The following RELN variants were observed in gnomAD, a reference collection of about 807,000 sequenced individuals.
RELN encodes the protein reelin.
RELN carries 108 observed loss-of-function variants against 427.6 expected under a neutral mutation model. The ratio of observed to expected loss-of-function variants is 0.25; its 90% CI spans 0.22 to 0.30. The LOEUF (loss-of-function observed/expected upper bound fraction) is 0.30, where lower values mean the gene tolerates loss of function less well. Among genes scored for constraint, RELN ranks in the 10% least tolerant of loss-of-function variants. The pLI is 1.00. For missense variants in RELN, 3,715 were observed against 4,302.8 expected (o/e 0.86, Z 3.82); for synonymous variants, 1,524 against 1,513.4 (o/e 1.01, Z -0.16).
In RELN at chr7:103,773,252, C is replaced by CTCT. The variant is rs1427358294; in HGVS notation, c.544+3304_544+3305insAGA. 1.2e-3 allele frequency among the ~76,000 whole-genome samples: 51 copies of CTCT among 43,618 alleles called. 4 individuals carry two copies. The highest frequency in any genetic ancestry group is 1.7e-3 in the Non-Finnish European group (42 of 24,598). The allele number at this position is 43,618 out of a possible 152,430, so 28.6% of individuals were successfully genotyped here. ...CTCGCTCCCTCCCTGTCTCTCTCTC[C>CTCT]CTCCCTCCCTCTCTCCCTGTCTCTC... On this transcript the variant is annotated intron_variant, in intron 4 of 64. Transcript: ENST00000428762.
chr7:103,586,498 T>C (rs985506455), intron 28 of RELN, among the ~76,000 whole-genome samples: 4 of 152,210 alleles, frequency 2.6e-5, no homozygotes, highest in Non-Finnish European at 4.4e-5. Flanking sequence ...TCACCCTCTC[T>C]ACTCCAGTTC....
intron 1 of RELN, among the ~76,000 whole-genome samples, chr7:103,920,210 C>T (rs1305318284): frequency 6.6e-6 from 1 of 152,090 alleles, no homozygotes; most frequent in Non-Finnish European, 1.5e-5. Context: ...TAAAATGTTT[C>T]CTTTAAAAAT....
chr7:103,500,698 T>A, intron 53 of RELN, 47 bp downstream of exon 53: 1 of 1,597,248 alleles, frequency 6.3e-7, no homozygotes. Context: ...TTCCTAGGCA[T>A]GACCCATGAT....
chr7:103,888,236 G>GA (rs569985640), intron 2 of RELN, among the ~76,000 whole-genome samples: 18,552 of 103,488 alleles, frequency 0.18, 1,457 homozygotes, highest in East Asian at 0.48. Context: ...GCTCTTTTAA[G>GA]AAAAAAAAAT....
chr7:103,575,625 G>T lies in RELN; in HGVS notation c.4226C>A (p.Ser1409Tyr), dbSNP rs2117208290. The T allele has an allele frequency of 6.2e-7, 1 of 1,614,078 alleles. No homozygotes were observed. Among genetic ancestry groups the T allele is most frequent in the South Asian group, 1.1e-5 (1 of 91,076 alleles). The change falls in exon 29 of 65, where the codon TCC (serine) becomes TAC (tyrosine). Residue 1409 changes from serine (S) to tyrosine (Y), a missense_variant. By Grantham distance (144) the Ser-to-Tyr change is moderately radical. Transcript: ENST00000428762. ...ACTGCAGTAACTGGGACAAGGCTCG[G>T]ATATGTACACTCCATCTAAACCAAA... ...PPFGLDGVYISEPCPSYCSGH... is the reference protein window; with the variant it reads ...PPFGLDGVYIYEPCPSYCSGH...
At chr7:103,975,817 A>T (rs1796868334) in intron 1 of RELN, among the ~76,000 whole-genome samples, 2 of 150,526 alleles carry the variant, frequency 1.3e-5, no homozygotes, top group Non-Finnish European at 1.5e-5. Context: ...AAGTGCTAGG[A>T]TTACAGGCGT....
chr7:103,832,421 C>CA (rs942771021), intron 3 of RELN, among the ~76,000 whole-genome samples: 38 of 147,280 alleles, frequency 2.6e-4, no homozygotes, highest in African/African-American at 6.2e-4. Context: ...AACAAAAACA[C>CA]AAAAAAAACA....
Position 103,566,228 on chromosome 7 carries a change from G to A in RELN, c.4932C>T (p.Asn1644=). Residue 1644 remains asparagine (N), a synonymous_variant, in exon 33 of 65, where the codon AAC becomes AAT. Transcript: ENST00000428762. ...TTATCTGGTGACAATATATACCTATGTTTTCAGTGAATATCAGAGCAGTAT... is the reference window on the plus strand; with the variant it reads ...TTATCTGGTGACAATATATACCTATATTTTCAGTGAATATCAGAGCAGTAT... ...SMDTALIFTE[N]IGKPRYAETW... is the part of the protein sequence containing the mutation. The A allele has an allele frequency of 6.2e-7, 1 of 1,610,970 alleles. No individual in the cohort carries two copies. Among genetic ancestry groups the A allele is most frequent in the Non-Finnish European group, 8.5e-7 (1 of 1,177,254 alleles).
intron 11 of RELN, among the ~76,000 whole-genome samples, chr7:103,681,036 C>T (rs1833642936): frequency 6.6e-6 from 1 of 152,006 alleles, no homozygotes; most frequent in African/African-American, 2.4e-5. Flanking sequence ...ACTGAAAGAC[C>T]CCATTGTGGC....
intron 2 of RELN, among the ~76,000 whole-genome samples, chr7:103,898,015 G>A (rs71558659): frequency 0.032 from 4,934 of 152,130 alleles, 118 homozygotes; most frequent in Non-Finnish European, 0.048. Flanking sequence ...AATAAACAAT[G>A]AGCATGTCTA....
chr7:103,557,636 T>G (rs536943539), intron 37 of RELN, among the ~76,000 whole-genome samples: 1 of 152,244 alleles, frequency 6.6e-6, no homozygotes, highest in East Asian at 1.9e-4. Flanking sequence ...AAAATCCACG[T>G]TTTTCATAAG....
At chr7:103,730,491 A>G (rs1425288498) in intron 6 of RELN, among the ~76,000 whole-genome samples, 1 of 151,982 alleles carries the variant, frequency 6.6e-6, no homozygotes, top group African/African-American at 2.4e-5. Flanking sequence ...GGATTTAAAA[A>G]AAAAAACAAT....
chr7:103,919,649 C>A (rs1173376545), intron 1 of RELN, among the ~76,000 whole-genome samples: 1 of 152,120 alleles, frequency 6.6e-6, no homozygotes, highest in Non-Finnish European at 1.5e-5. Flanking sequence ...CACACGCGCA[C>A]CAGCTCTAAT....
At chr7:103,849,545 G>T (rs39399) in intron 2 of RELN, among the ~76,000 whole-genome samples, 15 of 151,880 alleles carry the variant, frequency 9.9e-5, no homozygotes, top group Non-Finnish European at 1.8e-4. Context: ...GACACCCTGC[G>T]TATCCCCTAC....
intron 3 of RELN, among the ~76,000 whole-genome samples, chr7:103,816,693 T>G (rs756509192): frequency 1.4e-4 from 21 of 152,160 alleles, no homozygotes; most frequent in Non-Finnish European, 2.6e-4. Flanking sequence ...CAGTGGGCCT[T>G]GAGAGGCTTC....
chr7:103,541,132 G>A (rs191559390), intron 43 of RELN, among the ~76,000 whole-genome samples: 38 of 152,276 alleles, frequency 2.5e-4, no homozygotes, highest in Admixed American at 4.6e-4. Flanking sequence ...TGGGTCTGGG[G>A]ATGGATGATA....
At chr7:103,962,509 G>A (rs1796577874) in intron 1 of RELN, among the ~76,000 whole-genome samples, 1 of 151,946 alleles carries the variant, frequency 6.6e-6, no homozygotes, top group African/African-American at 2.4e-5. Flanking sequence ...TGGTCTGCCA[G>A]GAGGTCGTTG....
intron 34 of RELN, among the ~76,000 whole-genome samples, chr7:103,562,293 C>G (rs1044245711): frequency 1.3e-5 from 2 of 152,062 alleles, no homozygotes; most frequent in African/African-American, 4.8e-5. Flanking sequence ...CTTTCAGACT[C>G]TTATTGCTAT....
At chr7:103,482,998 A>G in intron 62 of RELN, 27 bp from the exon 63 acceptor site, 1 of 1,591,792 alleles carries the variant, frequency 6.3e-7, no homozygotes, top group Non-Finnish European at 8.6e-7. Flanking sequence ...AGGACAAAGA[A>G]GTTATACATT....
Sources: gnomAD v4.1 joint callset for allele counts (sites outside exome capture counted in the v4.1 genomes callset) on GRCh38, gnomAD v4.1.1 for gene constraint, MANE v1.5 for transcripts, NCBI Gene and HGNC (gene_info 2026-07-23, HGNC 2026-07-21) for gene names.